AKAP6: variants seen among roughly 807,000 people sequenced by gnomAD.
AKAP6 encodes A-kinase anchoring protein 6.
Under a neutral mutation model 188.5 loss-of-function variants are expected in AKAP6, and 58 were observed. The ratio of observed to expected loss-of-function variants is 0.31; its 90% CI spans 0.25 to 0.38. AKAP6 has a LOEUF of 0.38. AKAP6 is among the 10% of genes least tolerant of loss of function. The pLI, the probability that AKAP6 is intolerant of heterozygous loss-of-function variation, is 1.00. For missense variants in AKAP6, 2,710 were observed against 2,740.0 expected (o/e 0.99, Z 0.24); for synonymous variants, 989 against 998.6 (o/e 0.99, Z 0.18).
chr14:32,445,937 A>G (rs1229655679), intron 2 of AKAP6, among the ~76,000 whole-genome samples: 2 of 152,212 alleles, frequency 1.3e-5, no homozygotes, highest in Non-Finnish European at 2.9e-5. Context: ...TCATACCTAT[A>G]CTGGAAATCT....
At chr14:32,552,807 G>A (rs1883533676) in intron 4 of AKAP6, among the ~76,000 whole-genome samples, 1 of 152,218 alleles carries the variant, frequency 6.6e-6, no homozygotes. Context: ...CTATGTAAAT[G>A]TGGACACACT....
chr14:32,356,089 T>C (rs77056048), intron 1 of AKAP6, among the ~76,000 whole-genome samples: 3,481 of 152,328 alleles, frequency 0.023, 67 homozygotes, highest in Middle Eastern at 0.048. Context: ...TATTGTGATT[T>C]AATCACAAGT....
intron 11 of AKAP6, among the ~76,000 whole-genome samples, chr14:32,764,778 C>A (rs539384748): frequency 1.3e-4 from 19 of 151,986 alleles, no homozygotes; most frequent in Admixed American, 1.1e-3. Flanking sequence ...TATAAAGTAC[C>A]TTTTAAAATG....
intron 12 of AKAP6, among the ~76,000 whole-genome samples, chr14:32,797,429 G>A (rs981546036): frequency 6.6e-6 from 1 of 152,208 alleles, no homozygotes; most frequent in South Asian, 2.1e-4. Context: ...ATACTATGCA[G>A]CCATAAAAAG....
chr14:32,423,987 A>C (rs1478469097), intron 1 of AKAP6, among the ~76,000 whole-genome samples: 1 of 152,150 alleles, frequency 6.6e-6, no homozygotes, highest in Non-Finnish European at 1.5e-5. Flanking sequence ...TCCAAAAGTC[A>C]AACTTGTATT....
rs147289718 is a variant in AKAP6, at chr14:32,737,834, C to T, written c.3372+1952C>T. Among the ~76,000 whole-genome samples the T allele has an allele frequency of 4.0e-4, 61 of 152,228 alleles. 2 individuals carry two copies. The East Asian group carries it at 0.01, about 25-fold the overall frequency. Reference sequence around the variant, plus strand: ...AAGGTGCTGCATATGAAAAGGAAAACCCATAGCTTTGTAGACAGAACTGCG... The same window carrying T: ...AAGGTGCTGCATATGAAAAGGAAAATCCATAGCTTTGTAGACAGAACTGCG... On this transcript the variant is annotated intron_variant, in intron 11 of 13. Coordinates refer to ENST00000280979, the MANE Select transcript of AKAP6 (RefSeq NM_004274.5).
intron 2 of AKAP6, among the ~76,000 whole-genome samples, chr14:32,481,173 T>G (rs721538): frequency 0.53 from 80,604 of 152,018 alleles, 23,398 homozygotes; most frequent in Non-Finnish European, 0.67. Flanking sequence ...CTGTTCAGTA[T>G]TGATTGATCT....
intron 7 of AKAP6, among the ~76,000 whole-genome samples, chr14:32,639,312 TTCAAGTATATG>T (rs1887658105): frequency 1.3e-5 from 2 of 152,212 alleles, no homozygotes; most frequent in African/African-American, 4.8e-5. Context: ...AATAGAAGGT[TTCAAGTATATG>T]TCAGATTTTT....
chr14:32,626,197 C>T (rs751369137), intron 7 of AKAP6, among the ~76,000 whole-genome samples: 4 of 151,996 alleles, frequency 2.6e-5, no homozygotes, highest in Non-Finnish European at 4.4e-5. Flanking sequence ...ATCATTGCAT[C>T]GCAAATAATT....
intron 1 of AKAP6, among the ~76,000 whole-genome samples, chr14:32,379,021 C>T (rs537395422): frequency 1.2e-4 from 18 of 150,912 alleles, no homozygotes; most frequent in Non-Finnish European, 1.2e-4. Flanking sequence ...TGGGTTCAAG[C>T]GATTCTCCTG....
chr14:32,464,249 C>G (rs1474681345), intron 2 of AKAP6, among the ~76,000 whole-genome samples: 1 of 152,144 alleles, frequency 6.6e-6, no homozygotes, highest in Non-Finnish European at 1.5e-5. Flanking sequence ...TTTTATGAGG[C>G]CAGCATCATC....
At chr14:32,525,579 C>A (rs1382122659) in intron 2 of AKAP6, among the ~76,000 whole-genome samples, 3 of 152,102 alleles carry the variant, frequency 2.0e-5, no homozygotes, top group Non-Finnish European at 4.4e-5. Context: ...TTTTTCAGAC[C>A]CTCTCCTAAT....
intron 11 of AKAP6, among the ~76,000 whole-genome samples, chr14:32,744,549 C>G (rs1434862900): frequency 6.6e-6 from 1 of 152,132 alleles, no homozygotes; most frequent in Non-Finnish European, 1.5e-5. Flanking sequence ...ATCTCCTGAC[C>G]TCGTGATCTG....
In AKAP6 at chr14:32,824,831, A is replaced by G. The variant is rs2034635530; in HGVS notation, c.*42+16A>G. The G allele has an allele frequency of 6.5e-7, 1 of 1,527,664 alleles. No individual in the cohort carries two copies. The highest frequency in any genetic ancestry group is 2.2e-5 in the Admixed American group (1 of 46,034). The allele number at this position is 1,527,664 out of a possible 1,614,324, so 94.6% of individuals were successfully genotyped here. ...TCACTGAAAGGTACGTATAGTCCTC[A>G]TGCCGTATATGTATTTAAAATATTG... is the stretch of plus-strand genomic sequence containing the variant. On this transcript the variant is annotated intron_variant, in intron 13 of 13. Transcript: ENST00000280979.
chr14:32,475,696 T>TC (rs1879029889), intron 2 of AKAP6, among the ~76,000 whole-genome samples: 2 of 127,258 alleles, frequency 1.6e-5, no homozygotes, highest in South Asian at 4.7e-4. Context: ...TTTTTTTTTT[T>TC]GAGACGGAGT....
At chr14:32,653,519 C>T (rs1378189000) in intron 7 of AKAP6, among the ~76,000 whole-genome samples, 1 of 152,136 alleles carries the variant, frequency 6.6e-6, no homozygotes, top group East Asian at 1.9e-4. Flanking sequence ...CTTCATCTTC[C>T]ACCATGATTG....
chr14:32,786,303 T>TTTTTTTTTG (rs1566710215), intron 12 of AKAP6, among the ~76,000 whole-genome samples: 7 of 73,758 alleles, frequency 9.5e-5, no homozygotes, highest in African/African-American at 3.5e-4. Flanking sequence ...TTTATCTTTT[T>TTTTTTTTTG]TTTTTTTTTT....
At chr14:32,808,335 C>T (rs1309940816) in intron 12 of AKAP6, among the ~76,000 whole-genome samples, 1 of 152,170 alleles carries the variant, frequency 6.6e-6, no homozygotes, top group Non-Finnish European at 1.5e-5. Context: ...ATGCTATTTC[C>T]TGATGGAACT....
intron 2 of AKAP6, among the ~76,000 whole-genome samples, chr14:32,494,857 C>T (rs559048030): frequency 3.6e-4 from 55 of 152,158 alleles, no homozygotes; most frequent in Non-Finnish European, 7.4e-4. Context: ...CAGTGTTTCC[C>T]GTCAGCTAAA....
Sources: allele counts gnomAD v4.1 joint callset (sites outside exome capture counted in the v4.1 genomes callset), GRCh38; gene constraint gnomAD v4.1.1; transcripts MANE v1.5; gene names NCBI Gene and HGNC (gene_info 2026-07-23, HGNC 2026-07-21).